Variants in RASGRF2 observed in about 807,000 individuals in gnomAD.
The protein encoded by RASGRF2 is Ras protein specific guanine nucleotide releasing factor 2, also known as ras-specific guanine nucleotide-releasing factor 2.
A neutral mutation model predicts 151.0 loss-of-function variants in RASGRF2; 76 were observed. The observed-to-expected ratio is 0.50, with a 90% CI of 0.42 to 0.61. RASGRF2 has a LOEUF of 0.61. Ranked by LOEUF, RASGRF2 falls within the 20% of genes least tolerant of loss-of-function variation. The pLI is 0.00. For missense variants in RASGRF2, 1,148 were observed against 1,564.6 expected, an observed-to-expected ratio of 0.73 and a Z score of 4.49; for synonymous variants, 504 against 566.5, an observed-to-expected ratio of 0.89 and a Z score of 1.57.
At chr5:81,002,224 A>C (rs1749103793) in intron 1 of RASGRF2, among the ~76,000 whole-genome samples, 1 of 152,344 alleles carries the variant, frequency 6.6e-6, no homozygotes, top group African/African-American at 2.4e-5. Context: ...GGGAGTAGTT[A>C]TCTAAGCTGT....
At chr5:81,186,510 C>T (rs1755029178) in intron 18 of RASGRF2, among the ~76,000 whole-genome samples, 1 of 152,100 alleles carries the variant, frequency 6.6e-6, no homozygotes, top group Admixed American at 6.5e-5. Flanking sequence ...CATATATGCA[C>T]CCTTTTCCCA....
At chr5:80,991,502 C>T (rs746936888) in intron 1 of RASGRF2, among the ~76,000 whole-genome samples, 6 of 152,198 alleles carry the variant, frequency 3.9e-5, no homozygotes, top group Non-Finnish European at 8.8e-5. Flanking sequence ...AAGACCTTAT[C>T]AGCCTTTTCT....
chr5:81,096,825 T>C (rs1026115342), intron 12 of RASGRF2, among the ~76,000 whole-genome samples: 5 of 152,154 alleles, frequency 3.3e-5, no homozygotes, highest in East Asian at 1.9e-4. Flanking sequence ...GAAAGAAATA[T>C]ACAACTTCCT....
At chr5:81,146,263 A>G (rs938822035) in intron 17 of RASGRF2, among the ~76,000 whole-genome samples, 2 of 152,212 alleles carry the variant, frequency 1.3e-5, no homozygotes, top group African/African-American at 4.8e-5. Flanking sequence ...GTTCCAGTCT[A>G]TTCTGCAAAC....
At chr5:80,966,289 A>G (rs1260359140) in intron 1 of RASGRF2, among the ~76,000 whole-genome samples, 1 of 152,130 alleles carries the variant, frequency 6.6e-6, no homozygotes, top group African/African-American at 2.4e-5. Flanking sequence ...ATTTTTCAGG[A>G]CTAAGGATAT....
intron 1 of RASGRF2, among the ~76,000 whole-genome samples, chr5:80,992,677 G>A (rs1041388201): frequency 1.3e-5 from 2 of 152,140 alleles, no homozygotes; most frequent in African/African-American, 4.8e-5. Flanking sequence ...AAAGATACAT[G>A]TCACTATTTT....
At chr5:80,989,118 C>T (rs989386041) in intron 1 of RASGRF2, among the ~76,000 whole-genome samples, 2 of 152,028 alleles carry the variant, frequency 1.3e-5, no homozygotes, top group Non-Finnish European at 2.9e-5. Flanking sequence ...GCTGGAATTA[C>T]AGGCATCACG....
At chr5:81,219,928 A>G in intron 26 of RASGRF2, 150 bp downstream of exon 26, 2 of 512,126 alleles carry the variant, frequency 3.9e-6, no homozygotes, top group Non-Finnish European at 3.4e-6. Context: ...TCTGATTAAA[A>G]AAAAAAAAAA....
intron 1 of RASGRF2, among the ~76,000 whole-genome samples, chr5:80,990,361 G>A (rs1040534463): frequency 2.6e-5 from 4 of 152,098 alleles, no homozygotes; most frequent in South Asian, 4.1e-4. Flanking sequence ...CCAATTTCAT[G>A]TCCAACCCAG....
intron 17 of RASGRF2, among the ~76,000 whole-genome samples, chr5:81,153,060 A>G (rs936195419): frequency 9.2e-5 from 14 of 152,236 alleles, no homozygotes; most frequent in Non-Finnish European, 1.9e-4. Context: ...CAACAAAGGA[A>G]TTAGAATTAA....
At chr5:81,156,858 T>C (rs926855601) in intron 17 of RASGRF2, among the ~76,000 whole-genome samples, 2 of 152,168 alleles carry the variant, frequency 1.3e-5, no homozygotes, top group East Asian at 3.9e-4. Context: ...GGTAGCCTGA[T>C]TAGAAAAGAG....
At chr5:81,137,762 C>T (rs980053487) in intron 17 of RASGRF2, among the ~76,000 whole-genome samples, 11 of 152,216 alleles carry the variant, frequency 7.2e-5, no homozygotes, top group African/African-American at 2.7e-4. Context: ...GACTTCTAGT[C>T]GCCACAGCTA....
At chr5:81,224,860 A>C (rs1450180418) in intron 26 of RASGRF2, among the ~76,000 whole-genome samples, 3 of 152,242 alleles carry the variant, frequency 2.0e-5, no homozygotes, top group African/African-American at 4.8e-5. Context: ...GATAGAAACC[A>C]GGGCAGTGCT....
intron 1 of RASGRF2, among the ~76,000 whole-genome samples, chr5:80,996,823 C>T (rs1286301031): frequency 4.6e-5 from 7 of 151,578 alleles, no homozygotes; most frequent in African/African-American, 1.7e-4. Context: ...TGGTCTCAAA[C>T]TCCTGGCCTC....
intron 15 of RASGRF2, among the ~76,000 whole-genome samples, chr5:81,121,641 A>G (rs1373777760): frequency 6.6e-6 from 1 of 152,104 alleles, no homozygotes; most frequent in Admixed American, 6.6e-5. Context: ...TCTGTTCCAG[A>G]CTCATCCAAC....
At chr5:81,068,713 C>T (rs994121419) in intron 3 of RASGRF2, among the ~76,000 whole-genome samples, 2 of 152,186 alleles carry the variant, frequency 1.3e-5, no homozygotes, top group African/African-American at 2.4e-5. Context: ...CTGCCTCCCC[C>T]TCCCTCCCTC....
chr5:81,165,276 C>G (rs982989716), intron 17 of RASGRF2, among the ~76,000 whole-genome samples: 4 of 152,086 alleles, frequency 2.6e-5, no homozygotes, highest in African/African-American at 9.7e-5. Context: ...TCAGGAAATA[C>G]CAAGGTCTTC....
chr5:81,215,785 C>T (rs747085361), intron 23 of RASGRF2, 91 bp from the exon 24 acceptor site: 3 of 1,370,968 alleles, frequency 2.2e-6, no homozygotes, highest in Non-Finnish European at 2.8e-6. Context: ...GCACCTGTCA[C>T]CAAAGAAGAG....
chr5:81,009,016 A>G (rs1749367806), intron 1 of RASGRF2, among the ~76,000 whole-genome samples: 1 of 152,152 alleles, frequency 6.6e-6, no homozygotes, highest in South Asian at 2.1e-4. Flanking sequence ...GATAGCTTTC[A>G]CAACAGAGAC....
Sources: allele counts gnomAD v4.1 joint callset (sites outside exome capture counted in the v4.1 genomes callset), GRCh38; gene constraint gnomAD v4.1.1; transcripts MANE v1.5; gene names NCBI Gene and HGNC (gene_info 2026-07-23, HGNC 2026-07-21).